RAB6B: variants seen among roughly 807,000 people sequenced by gnomAD.
RAB6B encodes RAB6B, member RAS oncogene family, also known as ras-related protein Rab-6B.
A neutral mutation model predicts 31.2 loss-of-function variants in RAB6B; 7 were observed. The ratio of observed to expected loss-of-function variants is 0.22; its 90% CI spans 0.13 to 0.42. The LOEUF (loss-of-function observed/expected upper bound fraction) is 0.42, where lower values mean the gene tolerates loss of function less well. Ranked by LOEUF, RAB6B falls within the 10% of genes least tolerant of loss-of-function variation. The pLI is 1.00. For synonymous variants in RAB6B, 105 were observed against 104.9 expected, an observed-to-expected ratio of 1.00 and a Z score of -0.01; for missense variants, 149 against 280.6, an observed-to-expected ratio of 0.53 and a Z score of 3.35.
intron 5 of RAB6B, 98 bp downstream of exon 5, chr3:133,839,408 C>A: frequency 9.4e-7 from 1 of 1,065,596 alleles, no homozygotes; most frequent in Non-Finnish European, 1.4e-6. Flanking sequence ...TGGTCAGAAG[C>A]ACAGACACAC....
chr3:133,841,169 CAT>C lies in RAB6B; in HGVS notation c.289+114_289+115del, dbSNP rs1362571260. 3.5e-5 allele frequency: 24 copies of C among 683,446 alleles called. 1 individual carries two copies. The South Asian group carries it at 3.7e-4, about 10-fold the overall frequency. The allele number at this position is 683,446 out of a possible 1,614,324, so 42.3% of individuals were successfully genotyped here. A position where few individuals can be genotyped will look rare whatever the true frequency, so the allele number is the denominator to read the frequency against. The stretch of plus-strand genomic sequence containing the variant: ...TGCATTCAGGGAGCAATCGCACACA[CAT>C]GCGTGTGCACACACATGCGTGTGCA... On this transcript the variant is annotated intron_variant, in intron 4 of 7. Coordinates refer to ENST00000285208, the MANE Select transcript of RAB6B (RefSeq NM_016577.4).
chr3:133,883,651 G>C (rs1340154682), intron 1 of RAB6B, among the ~76,000 whole-genome samples: 2 of 152,146 alleles, frequency 1.3e-5, no homozygotes, highest in African/African-American at 4.8e-5. Context: ...ACTGAACAGG[G>C]GAAAGAAACA....
chr3:133,883,245 G>A (rs1036798064), intron 1 of RAB6B, among the ~76,000 whole-genome samples: 7 of 152,226 alleles, frequency 4.6e-5, no homozygotes, highest in African/African-American at 1.7e-4. Context: ...CACAGAGGCA[G>A]TGTGCTGGAA....
intron 1 of RAB6B, among the ~76,000 whole-genome samples, chr3:133,890,344 C>T (rs940854984): frequency 2.0e-5 from 3 of 152,150 alleles, no homozygotes; most frequent in African/African-American, 7.2e-5. Context: ...ATGGCTCACA[C>T]CCATAATCCC....
intron 2 of RAB6B, among the ~76,000 whole-genome samples, chr3:133,864,014 C>G (rs534583702): frequency 2.0e-5 from 3 of 152,152 alleles, no homozygotes; most frequent in Non-Finnish European, 2.9e-5. Context: ...GACTACGCCT[C>G]CAGGGCCAGG....
chr3:133,830,056 T>C (rs1935633702), intron 7 of RAB6B, among the ~76,000 whole-genome samples: 1 of 152,214 alleles, frequency 6.6e-6, no homozygotes, highest in Admixed American at 6.5e-5. Context: ...AGCCCACCTT[T>C]TGTTCTCTCT....
chr3:133,886,481 C>G (rs1936548964), intron 1 of RAB6B, among the ~76,000 whole-genome samples: 2 of 152,170 alleles, frequency 1.3e-5, no homozygotes, highest in South Asian at 4.1e-4. Flanking sequence ...GTACTCTTCC[C>G]CTGAGCAGGT....
At chr3:133,849,696 T>C (rs977425293) in intron 2 of RAB6B, among the ~76,000 whole-genome samples, 1 of 152,196 alleles carries the variant, frequency 6.6e-6, no homozygotes, top group African/African-American at 2.4e-5. Context: ...TCTGAACCTG[T>C]CATGCACCCT....
At chr3:133,891,147 G>A (rs1936632879) in intron 1 of RAB6B, among the ~76,000 whole-genome samples, 2 of 152,152 alleles carry the variant, frequency 1.3e-5, no homozygotes, top group South Asian at 4.1e-4. Context: ...GTCAGGATGG[G>A]TCAGGCTGCG....
At chr3:133,843,688 A>G (rs1443775221) in intron 2 of RAB6B, among the ~76,000 whole-genome samples, 1 of 152,176 alleles carries the variant, frequency 6.6e-6, no homozygotes, top group Non-Finnish European at 1.5e-5. Context: ...AATAAAGAAC[A>G]TATTTCCCAG....
At chr3:133,875,250 A>G (rs1396072299) in intron 1 of RAB6B, among the ~76,000 whole-genome samples, 1 of 151,370 alleles carries the variant, frequency 6.6e-6, no homozygotes, top group Non-Finnish European at 1.5e-5. Flanking sequence ...TAATTAACAT[A>G]TTCATTACTT....
At chr3:133,867,279 A>G (rs985742332) in intron 1 of RAB6B, among the ~76,000 whole-genome samples, 1 of 152,216 alleles carries the variant, frequency 6.6e-6, no homozygotes, top group Non-Finnish European at 1.5e-5. Flanking sequence ...ATAATAGGCA[A>G]CACATGACCC....
chr3:133,838,386 C>G, intron 5 of RAB6B, 127 bp from the exon 6 acceptor site: 1 of 837,544 alleles, frequency 1.2e-6, no homozygotes, highest in Non-Finnish European at 2.0e-6. Flanking sequence ...AAGACAGGCT[C>G]TGATCCCAAG....
chr3:133,828,501 C>T lies in RAB6B; in HGVS notation c.*287G>A. 1 of 465,706 alleles carries T rather than the reference C, an allele frequency of 2.1e-6. No homozygotes were observed. The highest frequency in any genetic ancestry group is 2.9e-5 in the South Asian group (1 of 34,932). The allele number at this position is 465,706 out of a possible 1,614,324, so 28.8% of individuals were successfully genotyped here. A position where few individuals can be genotyped will look rare whatever the true frequency, so the allele number is the denominator to read the frequency against. ...TTTTTATCTGGCAAAAAATTGTATA[C>T]ACATGATTTAAATTTTTTTTAAATT... On this transcript the variant is annotated 3_prime_UTR_variant, in exon 8 of 8. Transcript: ENST00000285208.
At chr3:133,870,945 A>G (rs983363247) in intron 1 of RAB6B, among the ~76,000 whole-genome samples, 1 of 152,184 alleles carries the variant, frequency 6.6e-6, no homozygotes, top group African/African-American at 2.4e-5. Flanking sequence ...CTGGCCCTTC[A>G]CAATCAGCTA....
At chr3:133,841,758 G>A in intron 2 of RAB6B, 95 bp from the exon 3 acceptor site, 1 of 1,267,724 alleles carries the variant, frequency 7.9e-7, no homozygotes, top group East Asian at 2.3e-5. Context: ...ACCAGCAAGA[G>A]GGGACGCTCA....
chr3:133,841,729 G>T, intron 2 of RAB6B, 66 bp from the exon 3 acceptor site: 2 of 1,527,958 alleles, frequency 1.3e-6, no homozygotes, highest in South Asian at 2.3e-5. Context: ...AAAGCCTAGC[G>T]ACCACAGGTG....
At chr3:133,884,902 G>A (rs76342371) in intron 1 of RAB6B, among the ~76,000 whole-genome samples, 14 of 111,094 alleles carry the variant, frequency 1.3e-4, no homozygotes, top group South Asian at 1.2e-3. Context: ...ATCAGAGGAC[G>A]GGGGGGCTTA....
intron 7 of RAB6B, among the ~76,000 whole-genome samples, chr3:133,834,071 T>C (rs1000951034): frequency 3.3e-5 from 5 of 151,962 alleles, no homozygotes; most frequent in Non-Finnish European, 5.9e-5. Flanking sequence ...TTGTGGGTGA[T>C]GCGCAATGGT....
Sources: allele counts gnomAD v4.1 joint callset (sites outside exome capture counted in the v4.1 genomes callset), GRCh38; gene constraint gnomAD v4.1.1; transcripts MANE v1.5; gene names NCBI Gene and HGNC (gene_info 2026-07-23, HGNC 2026-07-21).